DLG2: variants seen among roughly 807,000 people sequenced by gnomAD.
DLG2 encodes the protein discs large MAGUK scaffold protein 2, also known as disks large homolog 2.
In DLG2, 45 loss-of-function variants were observed where a neutral mutation model predicts 132.5. That is an observed-to-expected ratio of 0.34 (90% CI 0.27 to 0.44). The LOEUF (loss-of-function observed/expected upper bound fraction) is 0.44, where lower values mean the gene tolerates loss of function less well. Among genes scored for constraint, DLG2 ranks in the 20% least tolerant of loss-of-function variants. The pLI, the probability that DLG2 is intolerant of heterozygous loss-of-function variation, is 1.00. For synonymous variants in DLG2, 424 were observed against 419.6 expected (o/e 1.01, Z -0.13); for missense variants, 1,045 against 1,196.9 (o/e 0.87, Z 1.87).
chr11:85,424,346 T>C (rs186993459), intron 3 of DLG2, among the ~76,000 whole-genome samples: 8 of 152,162 alleles, frequency 5.3e-5, no homozygotes, highest in African/African-American at 1.9e-4. Context: ...ATTCCTGCCA[T>C]CACTCTGGAG....
chr11:84,365,256 G>A (rs1443807562), intron 7 of DLG2, among the ~76,000 whole-genome samples: 3 of 152,008 alleles, frequency 2.0e-5, no homozygotes, highest in East Asian at 1.9e-4. Flanking sequence ...TGTATGTGCC[G>A]AGGAATTTAT....
chr11:83,913,501 A>G (rs1008621097), intron 15 of DLG2, among the ~76,000 whole-genome samples: 1 of 152,168 alleles, frequency 6.6e-6, no homozygotes, highest in African/African-American at 2.4e-5. Flanking sequence ...AAACATGGAA[A>G]TCAAGTAATT....
chr11:85,156,391 G>C (rs1412050056), intron 4 of DLG2, among the ~76,000 whole-genome samples: 1 of 152,138 alleles, frequency 6.6e-6, no homozygotes, highest in South Asian at 2.1e-4. Context: ...GAAAAATAAA[G>C]ATTAAATTAG....
chr11:85,172,605 G>A (rs2078954379), intron 4 of DLG2, among the ~76,000 whole-genome samples: 1 of 152,162 alleles, frequency 6.6e-6, no homozygotes, highest in South Asian at 2.1e-4. Flanking sequence ...ACAGAACTGG[G>A]CTGAGGTTGA....
intron 6 of DLG2, among the ~76,000 whole-genome samples, chr11:84,918,270 G>A (rs1006955511): frequency 1.3e-5 from 2 of 152,110 alleles, no homozygotes; most frequent in African/African-American, 4.8e-5. Context: ...TTAACTACCA[G>A]TATAAAATAA....
At chr11:84,137,255 A>C (rs2094636808) in intron 9 of DLG2, among the ~76,000 whole-genome samples, 1 of 152,140 alleles carries the variant, frequency 6.6e-6, no homozygotes, top group African/African-American at 2.4e-5. Flanking sequence ...GACATGCCTC[A>C]TATGAAACTG....
chr11:84,002,907 T>C (rs949534603), intron 11 of DLG2, among the ~76,000 whole-genome samples: 3 of 152,232 alleles, frequency 2.0e-5, no homozygotes, highest in African/African-American at 7.2e-5. Flanking sequence ...CAAACTTTTA[T>C]GCTCTGTTTC....
At chr11:84,847,744 G>A (rs953941532) in intron 6 of DLG2, among the ~76,000 whole-genome samples, 8 of 152,110 alleles carry the variant, frequency 5.3e-5, no homozygotes, top group African/African-American at 1.9e-4. Flanking sequence ...TTTTGACTGG[G>A]AAAAATAGCT....
chr11:84,062,067 TA>T (rs917313086), intron 10 of DLG2, among the ~76,000 whole-genome samples: 17 of 152,052 alleles, frequency 1.1e-4, no homozygotes, highest in Admixed American at 3.9e-4. Flanking sequence ...GGCTGACATT[TA>T]AAAAAAATTC....
intron 8 of DLG2, among the ~76,000 whole-genome samples, chr11:84,230,825 G>A (rs1292288028): frequency 6.6e-6 from 1 of 152,110 alleles, no homozygotes; most frequent in Non-Finnish European, 1.5e-5. Flanking sequence ...GTGGAGACAA[G>A]GCAAGGTCCA....
At chr11:83,699,434 C>T (rs1055182200) in intron 18 of DLG2, among the ~76,000 whole-genome samples, 4 of 151,884 alleles carry the variant, frequency 2.6e-5, no homozygotes, top group Non-Finnish European at 4.4e-5. Context: ...CAGTGGCTCA[C>T]GCCTGTAATC....
At chr11:83,799,419 T>C (rs972484214) in intron 17 of DLG2, among the ~76,000 whole-genome samples, 1 of 152,182 alleles carries the variant, frequency 6.6e-6, no homozygotes. Flanking sequence ...GTAGGAAGTA[T>C]CCCAGTAGAT....
At chr11:84,627,363 CAG>C (rs1348457160) in intron 6 of DLG2, among the ~76,000 whole-genome samples, 1 of 152,184 alleles carries the variant, frequency 6.6e-6, no homozygotes, top group Non-Finnish European at 1.5e-5. Flanking sequence ...CCACAAAATA[CAG>C]AAAAATCTCT....
chr11:85,581,629 AAAACAAACAAAC>A (rs796893647), intron 3 of DLG2, among the ~76,000 whole-genome samples: 1 of 152,030 alleles, frequency 6.6e-6, no homozygotes, highest in African/African-American at 2.4e-5. Flanking sequence ...AACAAACAAA[AAAACAAACAAAC>A]AAACAACAAA....
intron 6 of DLG2, among the ~76,000 whole-genome samples, chr11:84,849,143 T>G (rs1239027492): frequency 6.6e-6 from 1 of 152,156 alleles, no homozygotes. Flanking sequence ...GAGGCCAAAT[T>G]GTCCAGCTTC....
chr11:83,725,548 C>G (rs1198207093), intron 18 of DLG2: 1 of 152,118 alleles, frequency 6.6e-6, no homozygotes, highest in Non-Finnish European at 1.5e-5. Flanking sequence ...GTGGCAAAAC[C>G]AAGTCAAGAA....
intron 7 of DLG2, among the ~76,000 whole-genome samples, chr11:84,409,777 G>T (rs569793): frequency 0.12 from 18,424 of 152,064 alleles, 1,218 homozygotes; most frequent in African/African-American, 0.17. Context: ...TAGTTTTAGT[G>T]CAATTATCTA....
At chr11:85,408,938 T>C (rs1484079423) in intron 3 of DLG2, among the ~76,000 whole-genome samples, 1 of 151,912 alleles carries the variant, frequency 6.6e-6, no homozygotes, top group East Asian at 1.9e-4. Context: ...GGTCAAATGG[T>C]ATTTCTAGTT....
chr11:85,577,199 A>G (rs2078208266), intron 3 of DLG2, among the ~76,000 whole-genome samples: 1 of 152,208 alleles, frequency 6.6e-6, no homozygotes, highest in Non-Finnish European at 1.5e-5. Flanking sequence ...TCTGTATGCT[A>G]TGCAGAGAAC....
Sources: gnomAD v4.1 joint callset for allele counts (sites outside exome capture counted in the v4.1 genomes callset) on GRCh38, gnomAD v4.1.1 for gene constraint, MANE v1.5 for transcripts, NCBI Gene and HGNC (gene_info 2026-07-23, HGNC 2026-07-21) for gene names.